Variants in UGT2A2 observed in about 807,000 individuals in gnomAD.
UGT2A2 encodes UDP-glucuronosyltransferase 2A2.
In UGT2A2, 60 loss-of-function variants were observed where a neutral mutation model predicts 50.7. That is an observed-to-expected ratio of 1.18 (90% CI 0.96 to 1.47). The LOEUF (loss-of-function observed/expected upper bound fraction) is 1.47. Among genes scored for constraint, UGT2A2 ranks in the 40% most tolerant of loss-of-function variants. The pLI is 0.00. For synonymous variants in UGT2A2, 242 were observed against 214.6 expected, an observed-to-expected ratio of 1.13 and a Z score of -1.11; for missense variants, 762 against 634.0, an observed-to-expected ratio of 1.20 and a Z score of -2.17.
At position 69,594,666 on chromosome 4, in the gene UGT2A2, T is replaced by A. The variant is rs150970095; in HGVS notation, c.1142A>T (p.His381Leu). 11 of 1,613,892 alleles carry A rather than the reference T, an allele frequency of 6.8e-6. No homozygotes were observed. In the African/African-American group the frequency reaches 1.2e-4, roughly 18 times the overall value. The change falls in exon 5 of 6, where the codon CAT becomes CTT. Residue 381 changes from histidine to leucine, a missense_variant. Transcript: ENST00000604629. ...GHPKTKAFIT[H>L]GGTNGIYEAI... ...TTCGTAGATCCCATTAGTTCCACCA[T>A]GAGTGATAAAAGCTTTGGTTTTGGG...
chr4:69,627,547 A>AG (rs373062331), intron 1 of UGT2A2, among the ~76,000 whole-genome samples: 87 of 91,322 alleles, frequency 9.5e-4, no homozygotes, highest in African/African-American at 2.7e-3. Context: ...AGAGAGAGAG[A>AG]AAGAGAGAGA....
At chr4:69,606,420 T>C (rs1201570761) in intron 1 of UGT2A2, among the ~76,000 whole-genome samples, 2 of 136,204 alleles carry the variant, frequency 1.5e-5, no homozygotes, top group East Asian at 2.1e-4. Flanking sequence ...ATGGGATGTA[T>C]CTCAAAATAA....
intron 1 of UGT2A2, among the ~76,000 whole-genome samples, chr4:69,620,806 G>A (rs1720707797): frequency 1.3e-5 from 2 of 151,676 alleles, no homozygotes; most frequent in Admixed American, 1.3e-4. Context: ...ATAGACAAAG[G>A]AAACAGAATA....
intron 1 of UGT2A2, among the ~76,000 whole-genome samples, chr4:69,634,334 T>C (rs1004002738): frequency 2.7e-5 from 4 of 147,476 alleles, no homozygotes; most frequent in Non-Finnish European, 6.0e-5. Context: ...TAAGAAGGAA[T>C]TGGAAGGCTT....
Position 69,626,039 on chromosome 4 carries a change from T to G in UGT2A2, c.742+12860A>C, listed in dbSNP as rs116596216. ...CTAATTCTATCATGTATGTCATGACTGTGAACTTGTCTGTTTAATAATATG... is the reference window on the plus strand; with the variant it reads ...CTAATTCTATCATGTATGTCATGACGGTGAACTTGTCTGTTTAATAATATG... On this transcript the variant is annotated intron_variant, in intron 1 of 5. Transcript: ENST00000604629. Among the ~76,000 whole-genome samples the G allele has an allele frequency of 1.9e-3, 289 of 151,730 alleles. 2 individuals carry two copies. The highest frequency in any genetic ancestry group is 6.6e-3 in the African/African-American group (274 of 41,522).
At position 69,599,348 on chromosome 4, in the gene UGT2A2, C is replaced by T. The variant is rs759944002; in HGVS notation, c.789G>A (p.Trp263Ter). 4 of 1,613,748 alleles carry T rather than the reference C, an allele frequency of 2.5e-6. No homozygotes were observed. Among genetic ancestry groups the T allele is most frequent in the Non-Finnish European group, 3.4e-6 (4 of 1,179,892 alleles). Reference protein sequence around the residue: ...LCETMGKAEIWLIRTYWDFEF... With the variant: ...LCETMGKAEI The stretch of plus-strand genomic sequence containing the variant: ...CAAAATCCCAATATGTTCGGATTAA[C>T]CAAATTTCAGCTTTCCCCATAGTCT... Residue 263 changes from tryptophan (W) to a stop codon, truncating the protein, a stop_gained, in exon 2 of 6, where the codon TGG becomes TGA. Transcript: ENST00000604629. LOFTEE classifies it high-confidence loss of function.
intron 1 of UGT2A2, among the ~76,000 whole-genome samples, chr4:69,626,204 A>G (rs324310): frequency 1.3e-5 from 2 of 151,098 alleles, no homozygotes; most frequent in East Asian, 3.9e-4. Flanking sequence ...GTAGAGAGAT[A>G]TTTGTAATTT....
Position 69,606,457 on chromosome 4 carries a change from G to A in UGT2A2, c.743-7063C>T, listed in dbSNP as rs1455493425. The stretch of plus-strand genomic sequence containing the variant: ...AAGAGCTATCTATGACAGACCCACA[G>A]CCAATATCATACTGAATGGACAAAA... On this transcript the variant is annotated intron_variant, in intron 1 of 5. Coordinates refer to ENST00000604629, the MANE Select transcript of UGT2A2 (RefSeq NM_001105677.2). Among the ~76,000 whole-genome samples, 54 of 136,658 alleles carry A rather than the reference G, an allele frequency of 4.0e-4. 4 individuals carry two copies. Among genetic ancestry groups the A allele is most frequent in the Middle Eastern group, 3.8e-3 (1 of 260 alleles). 89.7% of individuals were successfully genotyped at this position (136,658 alleles called of 152,430 possible). A position where few individuals can be genotyped will look rare whatever the true frequency, so the allele number is the denominator to read the frequency against.
intron 1 of UGT2A2, among the ~76,000 whole-genome samples, chr4:69,604,848 A>T (rs1227232023): frequency 1.5e-5 from 2 of 137,100 alleles, no homozygotes; most frequent in South Asian, 2.4e-4. Flanking sequence ...TGGTAAAAGG[A>T]TCAATTCAAC....
chr4:69,600,747 G>A (rs1719234724), intron 1 of UGT2A2, among the ~76,000 whole-genome samples: 1 of 151,986 alleles, frequency 6.6e-6, no homozygotes, highest in African/African-American at 2.4e-5. Context: ...CAGAGCAGCA[G>A]GTTGTTTTGC....
chr4:69,608,589 T>C (rs1719828928), intron 1 of UGT2A2, among the ~76,000 whole-genome samples: 1 of 149,678 alleles, frequency 6.7e-6, no homozygotes, highest in African/African-American at 2.5e-5. Context: ...AAAAAGAAAA[T>C]AGGTAGGCTG....
intron 4 of UGT2A2, 88 bp downstream of exon 4, chr4:69,595,070 TATTA>T: frequency 1.4e-6 from 2 of 1,459,958 alleles, no homozygotes; most frequent in Non-Finnish European, 1.9e-6. Context: ...CATTTTAAAT[TATTA>T]AAAATGTATT....
At chr4:69,596,641 C>T (rs1718952203) in intron 2 of UGT2A2, among the ~76,000 whole-genome samples, 1 of 152,112 alleles carries the variant, frequency 6.6e-6, no homozygotes, top group African/African-American at 2.4e-5. Flanking sequence ...CACACCTCAG[C>T]CTCCTGAGTA....
chr4:69,613,422 A>G (rs1720185077), intron 1 of UGT2A2, among the ~76,000 whole-genome samples: 1 of 151,984 alleles, frequency 6.6e-6, no homozygotes, highest in Non-Finnish European at 1.5e-5. Context: ...ACTAATGTCA[A>G]TTCTACTGAA....
At chr4:69,616,571 AG>A (rs1720401647) in intron 1 of UGT2A2, among the ~76,000 whole-genome samples, 2 of 152,108 alleles carry the variant, frequency 1.3e-5, no homozygotes, top group South Asian at 4.1e-4. Flanking sequence ...ACCAACAAAA[AG>A]GAACTGAAGT....
intron 1 of UGT2A2, among the ~76,000 whole-genome samples, chr4:69,620,731 A>T (rs1157890785): frequency 6.6e-6 from 1 of 151,894 alleles, no homozygotes; most frequent in African/African-American, 2.4e-5. Flanking sequence ...ACACAATCCA[A>T]CTTTAAACTA....
rs774158000 is a variant in UGT2A2 at position 69,589,512 on chromosome 4, T to G, written c.1471A>C (p.Thr491Pro). The G allele has an allele frequency of 6.2e-6, 10 of 1,614,080 alleles. No homozygotes were observed. Among genetic ancestry groups the G allele is most frequent in the Non-Finnish European group, 8.5e-6 (10 of 1,180,008 alleles). Residue 491 changes from threonine (T) to proline (P), a missense_variant, in exon 6 of 6, where the codon ACC (threonine) becomes CCC (proline). Transcript: ENST00000604629. ...KHLRVAAHDL[T>P]WFQYHSLDVI... ...TCCAAAGAGTGGTACTGGAACCAGG[T>G]GAGGTCATGGGCTGCAACCCGAAGG...
At chr4:69,591,536 A>G (rs2109873826) in intron 5 of UGT2A2, among the ~76,000 whole-genome samples, 1 of 152,194 alleles carries the variant, frequency 6.6e-6, no homozygotes, top group African/African-American at 2.4e-5. Flanking sequence ...TAGGTTGTGA[A>G]ACGTTTCTTA....
At chr4:69,632,110 T>C (rs1405667773) in intron 1 of UGT2A2, among the ~76,000 whole-genome samples, 2 of 152,192 alleles carry the variant, frequency 1.3e-5, no homozygotes, top group African/African-American at 4.8e-5. Flanking sequence ...GATCTATTCC[T>C]ATGTGTTTAT....
Sources: allele counts gnomAD v4.1 joint callset (sites outside exome capture counted in the v4.1 genomes callset), GRCh38; gene constraint gnomAD v4.1.1; transcripts MANE v1.5; gene names NCBI Gene and HGNC (gene_info 2026-07-23, HGNC 2026-07-21).